The following TNRC6B variants were observed in gnomAD, a reference collection of about 807,000 sequenced individuals.
The protein encoded by TNRC6B is trinucleotide repeat containing adaptor 6B.
A neutral mutation model predicts 203.6 loss-of-function variants in TNRC6B; 52 were observed. That is an observed-to-expected ratio of 0.26 (90% CI 0.20 to 0.32). The LOEUF is 0.32. TNRC6B is among the 10% of genes least tolerant of loss of function. The probability of loss-of-function intolerance (pLI) is 1.00; values close to 1 mark genes in which losing one functional copy is unlikely to be tolerated. For missense variants in TNRC6B, 1,923 were observed against 2,286.2 expected, an observed-to-expected ratio of 0.84 and a Z score of 3.24; for synonymous variants, 838 against 845.7, an observed-to-expected ratio of 0.99 and a Z score of 0.16.
Position 40,165,958 on chromosome 22 carries a change from G to GTT in TNRC6B, c.113+9776_113+9777insTT, listed in dbSNP as rs113657717. Among the ~76,000 whole-genome samples the GTT allele has an allele frequency of 4.3e-3, 529 of 124,004 alleles. 3 individuals carry two copies. The highest frequency in any genetic ancestry group is 0.018 in the African/African-American group (512 of 29,122). 81.4% of individuals were successfully genotyped at this position (124,004 alleles called of 152,430 possible). ...ATCAGCCAGTTATCAGTTATTGGGT[G>GTT]GTTTTTTTTGTTGTTGTTTTGTTTT... On this transcript the variant is annotated intron_variant, in intron 4 of 23. Transcript: ENST00000301923.
chr22:40,117,560 A>G (rs1339818890), intron 2 of TNRC6B, among the ~76,000 whole-genome samples: 1 of 152,076 alleles, frequency 6.6e-6, no homozygotes, highest in African/African-American at 2.4e-5. Context: ...ATCCCTTCAA[A>G]CCTAATTCCA....
intron 1 of TNRC6B, among the ~76,000 whole-genome samples, chr22:40,202,627 G>GT (rs1373082758): frequency 6.6e-6 from 1 of 152,090 alleles, no homozygotes; most frequent in Non-Finnish European, 1.5e-5. Context: ...ATAGCCCACA[G>GT]TGTTGGATCA....
intron 2 of TNRC6B, among the ~76,000 whole-genome samples, chr22:40,122,440 G>T (rs957483275): frequency 1.3e-5 from 2 of 152,094 alleles, no homozygotes; most frequent in Non-Finnish European, 2.9e-5. Context: ...TAATAACACA[G>T]ACTGACCTAC....
At chr22:40,168,902 T>C (rs1284573947) in intron 4 of TNRC6B, among the ~76,000 whole-genome samples, 2 of 152,208 alleles carry the variant, frequency 1.3e-5, no homozygotes, top group Admixed American at 6.5e-5. Flanking sequence ...ACCCTTTTTA[T>C]TCCCATAGCA....
At chr22:40,152,417 C>A (rs1013038264) in intron 3 of TNRC6B, among the ~76,000 whole-genome samples, 1 of 152,208 alleles carries the variant, frequency 6.6e-6, no homozygotes, top group African/African-American at 2.4e-5. Flanking sequence ...AGCTCCGCCT[C>A]CCGGGTTCAT....
chr22:40,215,332 G>C (rs1255693001), intron 1 of TNRC6B, among the ~76,000 whole-genome samples: 3 of 152,104 alleles, frequency 2.0e-5, no homozygotes, highest in African/African-American at 7.2e-5. Context: ...TCAGCCCCAA[G>C]CCCCCATTCT....
intron 1 of TNRC6B, among the ~76,000 whole-genome samples, chr22:40,225,799 A>C (rs2146442591): frequency 6.6e-6 from 1 of 150,778 alleles, no homozygotes; most frequent in Non-Finnish European, 1.5e-5. Context: ...GATAGCTGTT[A>C]CTCAGATTGT....
At position 40,137,151 on chromosome 22, in the gene TNRC6B, C is replaced by T. The variant is rs373431097; in HGVS notation, c.45+11289C>T. Among the ~76,000 whole-genome samples the T allele has an allele frequency of 2.0e-5, 3 of 152,166 alleles. No individual in the cohort carries two copies. In the East Asian group the frequency reaches 5.8e-4, roughly 29 times the overall value. Reference sequence around the variant, plus strand: ...AGGGGATGCAGAGAAAAAAGATTTACCCATTGTTTAATAAAGTCTTTTGCT... The same window carrying T: ...AGGGGATGCAGAGAAAAAAGATTTATCCATTGTTTAATAAAGTCTTTTGCT... On this transcript the variant is annotated intron_variant, in intron 3 of 23. Transcript: ENST00000301923.
intron 3 of TNRC6B, among the ~76,000 whole-genome samples, chr22:40,143,521 G>A (rs12483853): frequency 6.6e-6 from 1 of 151,912 alleles, no homozygotes; most frequent in African/African-American, 2.4e-5. Flanking sequence ...ATAGAGTCTC[G>A]CTCTGTCACC....
chr22:40,268,098 C>T (rs930796642), intron 5 of TNRC6B, among the ~76,000 whole-genome samples: 1 of 151,980 alleles, frequency 6.6e-6, no homozygotes, highest in African/African-American at 2.4e-5. Context: ...AACCAGTTTT[C>T]TTTTTTTGAG....
chr22:40,058,408 GCACAATGTGCTTTAGCACAATGTGA>G (rs145419081), intron 1 of TNRC6B, among the ~76,000 whole-genome samples: 8,695 of 111,864 alleles, frequency 0.078, 261 homozygotes, highest in African/African-American at 0.24. Flanking sequence ...ATGTGCTTTA[GCACAATGTGCTTTAGCACAATGTGA>G]CACAATGTGC....
chr22:40,199,877 A>G (rs1214813153), intron 1 of TNRC6B, among the ~76,000 whole-genome samples: 1 of 151,816 alleles, frequency 6.6e-6, no homozygotes, highest in Non-Finnish European at 1.5e-5. Flanking sequence ...GCTCACTGCA[A>G]CCTCCGCCTT....
intron 1 of TNRC6B, among the ~76,000 whole-genome samples, chr22:40,243,876 C>T (rs752887078): frequency 1.3e-5 from 2 of 152,106 alleles, no homozygotes; most frequent in East Asian, 1.9e-4. Flanking sequence ...TGAGTCACTG[C>T]GCCCAGCTAA....
intron 1 of TNRC6B, among the ~76,000 whole-genome samples, chr22:40,214,693 C>T (rs904303312): frequency 6.6e-6 from 1 of 152,064 alleles, no homozygotes. Flanking sequence ...GCTAGAACTA[C>T]AGGCACACAC....
At chr22:40,104,251 A>G (rs1028179186) in intron 1 of TNRC6B, among the ~76,000 whole-genome samples, 8 of 147,848 alleles carry the variant, frequency 5.4e-5, no homozygotes, top group African/African-American at 1.9e-4. Flanking sequence ...ACTCCGTCTC[A>G]GGGAAGAAAA....
chr22:40,254,224 C>A (rs1210756654), intron 3 of TNRC6B, among the ~76,000 whole-genome samples: 1 of 152,094 alleles, frequency 6.6e-6, no homozygotes, highest in East Asian at 1.9e-4. Flanking sequence ...TAGAGTAGAA[C>A]TAAAAGAGTT....
rs1347837381 is a variant in TNRC6B, at chr22:40,315,960, G to A, written c.4922G>A (p.Gly1641Asp). ...CTCATAGCCTCTACCTGGAGTGATG[G>A]TGGCTCAGTTCGTCCTAGTTACTGG... Reference protein sequence around the residue: ...RLASASTWSDGGSVRPSYWLV... With the variant: ...RLASASTWSDDGSVRPSYWLV... Residue 1641 changes from glycine to aspartate, a missense_variant, in exon 21 of 23, where the codon GGT (glycine) becomes GAT (aspartate). Coordinates refer to ENST00000454349, the MANE Select transcript of TNRC6B (RefSeq NM_001162501.2). 1 of 1,613,854 alleles carries A rather than the reference G, an allele frequency of 6.2e-7. No homozygotes were observed. The highest frequency in any genetic ancestry group is 8.5e-7 in the Non-Finnish European group (1 of 1,179,838).
chr22:40,107,029 C>T lies in TNRC6B; in HGVS notation c.-120-10026C>T, dbSNP rs545102642. The T allele has an allele frequency of 3.8e-5, 39 of 1,030,752 alleles. No individual in the cohort carries two copies. In the South Asian group the frequency reaches 4.9e-4, roughly 13 times the overall value. The allele number at this position is 1,030,752 out of a possible 1,614,324, so 63.9% of individuals were successfully genotyped here. A position where few individuals can be genotyped will look rare whatever the true frequency, so the allele number is the denominator to read the frequency against. ...TTTTTCTTAAGGATTTCTGGCACAGCAGGAACCTTCTTCTTCTTCTTTTCT... is the reference window on the plus strand; with the variant it reads ...TTTTTCTTAAGGATTTCTGGCACAGTAGGAACCTTCTTCTTCTTCTTTTCT... On this transcript the variant is annotated intron_variant, in intron 1 of 23. Coordinates refer to the TNRC6B transcript ENST00000301923.
chr22:40,177,783 CACAAATGA>C, upstream of TNRC6B: 1 of 1,235,982 alleles, frequency 8.1e-7, no homozygotes, highest in South Asian at 3.1e-5. Context: ...AACAGCATTT[CACAAATGA>C]AAGTGAGTGG....
Sources: allele counts gnomAD v4.1 joint callset (sites outside exome capture counted in the v4.1 genomes callset), GRCh38; gene constraint gnomAD v4.1.1; transcripts MANE v1.5; gene names NCBI Gene and HGNC (gene_info 2026-07-23, HGNC 2026-07-21).